Variants in ECM2 observed in about 807,000 individuals in gnomAD.
ECM2 encodes extracellular matrix protein 2, also known as extracellular matrix protein 2, female organ and adipocyte specific.
In ECM2, 57 loss-of-function variants were observed where a neutral mutation model predicts 67.5. That is an observed-to-expected ratio of 0.84 (90% CI 0.68 to 1.05). The LOEUF is 1.05. Ranked by LOEUF, ECM2 falls within the 50% of genes least tolerant of loss-of-function variation. The pLI is 0.00. For synonymous variants in ECM2, 258 were observed against 294.5 expected (o/e 0.88, Z 1.27); for missense variants, 741 against 822.8 (o/e 0.90, Z 1.22).
chr9:92,540,968 A>T (rs1167223756), upstream of ECM2, among the ~76,000 whole-genome samples: 2 of 151,890 alleles, frequency 1.3e-5, no homozygotes, highest in Admixed American at 6.5e-5. Context: ...TTTCTTTTTT[A>T]AAAAATGTAT....
At chr9:92,523,041 A>G (rs1848175978) in intron 1 of ECM2, 148 bp from the exon 2 acceptor site, 1 of 819,376 alleles carries the variant, frequency 1.2e-6, no homozygotes, top group Admixed American at 3.5e-5. Flanking sequence ...TATTATTGCC[A>G]AATCATAATT....
the ECM2 span, among the ~76,000 whole-genome samples, chr9:92,543,536 T>C: frequency 6.6e-6 from 1 of 151,100 alleles, no homozygotes. Flanking sequence ...TTGTGATTCC[T>C]TACGAATTTT....
the ECM2 span, among the ~76,000 whole-genome samples, chr9:92,553,043 C>T: frequency 4.6e-5 from 7 of 151,474 alleles, no homozygotes; most frequent in South Asian, 2.1e-4. Context: ...TATAGTTTCA[C>T]GTCTTAGGTT....
upstream of ECM2, among the ~76,000 whole-genome samples, chr9:92,539,675 T>C (rs185314289): frequency 6.6e-6 from 1 of 152,264 alleles, no homozygotes; most frequent in East Asian, 1.9e-4. Context: ...GGAGGAGTAG[T>C]ATGGACTTTG....
chr9:92,500,703 A>G (rs755665680), intron 9 of ECM2, 24 bp downstream of exon 9: 7 of 1,588,608 alleles, frequency 4.4e-6, no homozygotes, highest in Non-Finnish European at 6.0e-6. Context: ...ATTTAAACAG[A>G]TACTTGAAAA....
At chr9:92,533,320 AAAAAAAAAATAT>A (rs1848945197) in intron 1 of ECM2, among the ~76,000 whole-genome samples, 5 of 92,468 alleles carry the variant, frequency 5.4e-5, no homozygotes, top group Admixed American at 2.3e-4. Context: ...AAAAAAAAAA[AAAAAAAAAATAT>A]ATATATATAT....
At position 92,497,634 on chromosome 9, in the gene ECM2, AAAAG is replaced by A. The variant is rs945396934; in HGVS notation, c.1932-1155_1932-1152del. On this transcript the variant is annotated intron_variant, in intron 9 of 9. Coordinates refer to ENST00000344604, the MANE Select transcript of ECM2 (RefSeq NM_001393.4). ...AGCAAAACTCTGTCTCAAAAAAAAAAAAAGAAAGAAAGAAAAAAGAAAAAAAGGG... is the reference window on the plus strand; with the variant it reads ...AGCAAAACTCTGTCTCAAAAAAAAAAAAAGAAAGAAAAAAGAAAAAAAGGG... 3.6e-4 allele frequency among the ~76,000 whole-genome samples: 54 copies of A among 151,924 alleles called. No homozygotes were observed. The South Asian group carries it at 9.3e-3, about 26-fold the overall frequency.
the ECM2 span, among the ~76,000 whole-genome samples, chr9:92,556,927 G>A: frequency 2.6e-5 from 4 of 152,120 alleles, no homozygotes; most frequent in African/African-American, 9.7e-5. Flanking sequence ...TATAGGTCCT[G>A]TGTGATTTAT....
At position 92,500,992 on chromosome 9, in the gene ECM2, T is replaced by C. The variant is rs754777850; in HGVS notation, c.1666A>G (p.Lys556Glu). Reference protein sequence around the residue: ...KLYHVPSYLPKSLLHLVLLGN... With the variant: ...KLYHVPSYLPESLLHLVLLGN... ...AGGAGTACTAGGTGCAGCAAGGACT[T>C]GGGTAGATAGGACGGGACGTGATAG... The change falls in exon 9 of 10, where the codon AAG becomes GAG. Residue 556 changes from lysine to glutamate, a missense_variant. Lys to Glu is a moderately conservative substitution (Grantham distance 56). Transcript: ENST00000344604. 35 of 1,614,090 alleles carry C rather than the reference T, an allele frequency of 2.2e-5. No individual in the cohort carries two copies. The highest frequency in any genetic ancestry group is 3.0e-5 in the Non-Finnish European group (35 of 1,180,014).
At chr9:92,514,566 T>A (rs1166777168) in intron 4 of ECM2, 65 bp downstream of exon 4, 8 of 1,517,772 alleles carry the variant, frequency 5.3e-6, no homozygotes, top group Non-Finnish European at 7.1e-6. Flanking sequence ...TGAGCCACCG[T>A]GCCCAGCTGC....
At chr9:92,529,687 A>G (rs181398206) in intron 1 of ECM2, among the ~76,000 whole-genome samples, 162 of 152,350 alleles carry the variant, frequency 1.1e-3, no homozygotes, top group African/African-American at 3.8e-3. Context: ...CATATAATAT[A>G]TAACTAAATG....
At chr9:92,510,116 G>A in intron 5 of ECM2, 82 bp from the exon 6 acceptor site, 12 of 1,472,138 alleles carry the variant, frequency 8.2e-6, no homozygotes, top group Non-Finnish European at 1.1e-5. Context: ...GTGACTAAAA[G>A]TCTCACAAAC....
intron 2 of ECM2, among the ~76,000 whole-genome samples, chr9:92,521,709 T>C (rs2131240782): frequency 6.6e-6 from 1 of 152,338 alleles, no homozygotes; most frequent in South Asian, 2.1e-4. Flanking sequence ...TTTAGTCTTT[T>C]AAATCTTTAA....
At chr9:92,526,442 G>A (rs545751910) in intron 1 of ECM2, among the ~76,000 whole-genome samples, 22 of 151,960 alleles carry the variant, frequency 1.4e-4, no homozygotes, top group Non-Finnish European at 2.6e-4. Context: ...AGTACTAAGA[G>A]GGAAGTTTAC....
intron 1 of ECM2, among the ~76,000 whole-genome samples, chr9:92,535,054 C>G (rs72754443): frequency 0.04 from 6,060 of 152,236 alleles, 183 homozygotes; most frequent in South Asian, 0.099. Context: ...GAGCACACCC[C>G]TCTCTCCCAG....
At chr9:92,527,095 G>A (rs535260094) in intron 1 of ECM2, among the ~76,000 whole-genome samples, 2 of 152,210 alleles carry the variant, frequency 1.3e-5, no homozygotes, top group Admixed American at 6.5e-5. Flanking sequence ...TGCAACCTCC[G>A]CTTCCTGGGC....
intron 5 of ECM2, among the ~76,000 whole-genome samples, chr9:92,511,620 A>T (rs1847351293): frequency 6.6e-6 from 1 of 152,122 alleles, no homozygotes; most frequent in African/African-American, 2.4e-5. Flanking sequence ...GCACACACAA[A>T]AAAAGGAAGC....
chr9:92,516,079 C>CA lies in ECM2; in HGVS notation c.482-877_482-876insT, dbSNP rs369425450. On this transcript the variant is annotated intron_variant, in intron 3 of 9. Coordinates refer to ENST00000344604, the MANE Select transcript of ECM2 (RefSeq NM_001393.4). ...ACAGTGCATACTTTTTTTTCCCCCC[C>CA]CCGAGACGGAGTCTTGCTCTGTCGC... Among the ~76,000 whole-genome samples the CA allele has an allele frequency of 7.4e-3, 1,105 of 150,296 alleles. 22 individuals are homozygous for CA. The highest frequency in any genetic ancestry group is 0.024 in the African/African-American group (982 of 41,088).
At position 92,528,848 on chromosome 9, in the gene ECM2, C is replaced by A. The variant is rs116076579; in HGVS notation, c.-27-5955G>T. Among the ~76,000 whole-genome samples, 1,139 of 152,166 alleles carry A rather than the reference C, an allele frequency of 7.5e-3. 12 individuals carry two copies. The highest frequency in any genetic ancestry group is 0.023 in the African/African-American group (965 of 41,508). The stretch of plus-strand genomic sequence containing the variant: ...ATCCAATGTAAATTTACCAGGTACA[C>A]AAAGAAACAGGAAAAGTTGACCCAT... On this transcript the variant is annotated intron_variant, in intron 1 of 9. Transcript: ENST00000344604.
Sources: gnomAD v4.1 joint callset for allele counts (sites outside exome capture counted in the v4.1 genomes callset) on GRCh38, gnomAD v4.1.1 for gene constraint, MANE v1.5 for transcripts, NCBI Gene and HGNC (gene_info 2026-07-23, HGNC 2026-07-21) for gene names.